Variants in HTR2A observed in about 807,000 individuals in gnomAD.
The protein encoded by HTR2A is 5-HT2 receptor.
A neutral mutation model predicts 31.0 loss-of-function variants in HTR2A; 14 were observed. That is an observed-to-expected ratio of 0.45 (90% CI 0.30 to 0.71). The LOEUF is 0.71. HTR2A is among the 30% of genes least tolerant of loss of function. HTR2A has a pLI of 0.09. For synonymous variants in HTR2A, 209 were observed against 225.2 expected, an observed-to-expected ratio of 0.93 and a Z score of 0.64; for missense variants, 442 against 573.3, an observed-to-expected ratio of 0.77 and a Z score of 2.34.
intron 3 of HTR2A, among the ~76,000 whole-genome samples, chr13:46,850,104 G>A (rs1410460725): frequency 6.6e-6 from 1 of 152,076 alleles, no homozygotes; most frequent in Admixed American, 6.5e-5. Context: ...GACAAAGTAG[G>A]GCTTTATAGA....
intron 3 of HTR2A, among the ~76,000 whole-genome samples, chr13:46,849,042 A>G (rs1253835788): frequency 6.6e-6 from 1 of 152,088 alleles, no homozygotes; most frequent in East Asian, 1.9e-4. Context: ...CTCAATTTGG[A>G]TGTCTCCGAT....
intron 3 of HTR2A, among the ~76,000 whole-genome samples, chr13:46,865,685 T>A (rs139350045): frequency 6.6e-6 from 1 of 152,222 alleles, no homozygotes; most frequent in African/African-American, 2.4e-5. Flanking sequence ...CAGTTGAATG[T>A]TAAATTTAAG....
Position 46,878,989 on chromosome 13 carries a change from C to G in HTR2A, c.613+13401G>C, listed in dbSNP as rs147975570. On this transcript the variant is annotated intron_variant, in intron 3 of 3. Transcript: ENST00000542664. ...AGATGGGATCTGGTTTAGAGGGAAA[C>G]AGAACTTGAAGAAAGGACAAAAACA... 2.6e-5 allele frequency among the ~76,000 whole-genome samples: 4 copies of G among 152,240 alleles called. No individual in the cohort carries two copies. The East Asian group carries it at 5.8e-4, about 22-fold the overall frequency.
In HTR2A at chr13:46,835,400, G is replaced by A. The variant is rs1876413137; in HGVS notation, c.853C>T (p.Pro285Ser). The A allele has an allele frequency of 6.2e-7, 1 of 1,613,968 alleles. No homozygotes were observed. Among genetic ancestry groups the A allele is most frequent in the African/African-American group, 1.3e-5 (1 of 74,914 alleles). Residue 285 changes from proline (P) to serine (S), a missense_variant, in exon 4 of 4, where the codon CCT (proline) becomes TCT (serine). Physicochemically the swap from Pro to Ser is moderately conservative, Grantham distance 74. Around this residue, in one of 5 missense-constraint regions of HTR2A, gnomAD observed 174 missense variants for 195.1 expected, o/e 0.89. Transcript: ENST00000542664. ...TTTTCTGAAGACAAAGAACTCTGAGGGAGGAAGCTGAAAGAAGCTAATTTG... is the reference window on the plus strand; with the variant it reads ...TTTTCTGAAGACAAAGAACTCTGAGAGAGGAAGCTGAAAGAAGCTAATTTG... ...RAKLASFSFL[P>S]QSSLSSEKLF...
Position 46,835,083 on chromosome 13 carries a change from G to A in HTR2A, c.1170C>T (p.Ala390=), listed in dbSNP as rs1876396084. ...YTLFNKTYRS[A]FSRYIQCQYK... The stretch of plus-strand genomic sequence containing the variant: ...ACTGACACTGAATATACCGTGAAAA[G>A]GCTGACCTATAGGTCTTGTTGAACA... The change falls in exon 4 of 4, where the codon GCC becomes GCT. Residue 390 remains alanine, a synonymous_variant. Transcript: ENST00000542664. 1.9e-6 allele frequency: 3 copies of A among 1,614,114 alleles called. No homozygotes were observed. In the African/African-American group the frequency reaches 4.0e-5, roughly 22 times the overall value.
chr13:46,850,666 A>G (rs1350373040), intron 3 of HTR2A, among the ~76,000 whole-genome samples: 2 of 152,112 alleles, frequency 1.3e-5, no homozygotes, highest in Admixed American at 6.5e-5. Flanking sequence ...TGTCCTACCT[A>G]TGAAATCTTT....
intron 3 of HTR2A, among the ~76,000 whole-genome samples, chr13:46,870,687 A>G (rs532610486): frequency 6.6e-6 from 1 of 152,136 alleles, no homozygotes; most frequent in South Asian, 2.1e-4. Flanking sequence ...GCTTCTCTTT[A>G]CTCTAGAGTT....
chr13:46,855,018 A>G (rs1218967112), intron 3 of HTR2A, among the ~76,000 whole-genome samples: 1 of 152,154 alleles, frequency 6.6e-6, no homozygotes, highest in Non-Finnish European at 1.5e-5. Context: ...GAAGGCAGAG[A>G]TTGGGAGACG....
chr13:46,846,316 C>G (rs1412748284), intron 3 of HTR2A, among the ~76,000 whole-genome samples: 2 of 152,112 alleles, frequency 1.3e-5, no homozygotes, highest in African/African-American at 2.4e-5. Flanking sequence ...TATTGTCTAA[C>G]AGCTGGCAAT....
At chr13:46,847,381 A>G (rs1454661048) in intron 3 of HTR2A, among the ~76,000 whole-genome samples, 2 of 152,244 alleles carry the variant, frequency 1.3e-5, no homozygotes, top group Non-Finnish European at 2.9e-5. Context: ...AACATAAACT[A>G]TATACCAATA....
chr13:46,895,461 G>A lies in HTR2A; in HGVS notation c.412+34C>T, dbSNP rs758522164. The A allele has an allele frequency of 1.4e-5, 22 of 1,596,442 alleles. No individual in the cohort carries two copies. The highest frequency in any genetic ancestry group is 1.8e-5 in the Non-Finnish European group (21 of 1,169,818). ...GGCATGCACATGCTCTTTATTACCA[G>A]TGCGAATATAGCTGGGAAACTAATG... On this transcript the variant is annotated intron_variant, in intron 2 of 3. Coordinates refer to ENST00000542664, the MANE Select transcript of HTR2A (RefSeq NM_000621.5). This position sits in a 1 kb window ranked among gnomAD's most constrained non-coding sequence, Gnocchi z 4.4.
intron 3 of HTR2A, among the ~76,000 whole-genome samples, chr13:46,886,238 C>T (rs1038551592): frequency 7.2e-5 from 11 of 152,160 alleles, no homozygotes; most frequent in Admixed American, 2.0e-4. Flanking sequence ...ATAGAAATAA[C>T]GTGATGATTT....
chr13:46,834,958 G>T lies in HTR2A; in HGVS notation c.1295C>A (p.Ser432Ter). 1 of 1,614,058 alleles carries T rather than the reference G, an allele frequency of 6.2e-7. No homozygotes were observed. Among genetic ancestry groups the T allele is most frequent in the Non-Finnish European group, 8.5e-7 (1 of 1,179,964 alleles). The change falls in exon 4 of 4, where the codon TCA becomes TAA. Residue 432 changes from serine (S) to a stop codon, truncating the protein, a stop_gained. Coordinates refer to ENST00000542664, the MANE Select transcript of HTR2A (RefSeq NM_000621.5). LOFTEE classifies it low-confidence loss of function (END_TRUNC). ...ATCTGTTGTCTTGGCATCTTGCTTT[G>T]AATTCTTTTTTTGTCCCATTTGAAG... ...SQLQMGQKKN[S>*]KQDAKTTDND...
upstream of HTR2A, among the ~76,000 whole-genome samples, chr13:46,897,241 AAGGT>A (rs774624231): frequency 6.6e-5 from 10 of 152,238 alleles, no homozygotes; most frequent in Non-Finnish European, 1.5e-4. Context: ...GATTCCCATT[AAGGT>A]AGGTAAGTGG....
chr13:46,870,270 T>C (rs1301530596), intron 3 of HTR2A, among the ~76,000 whole-genome samples: 1 of 152,146 alleles, frequency 6.6e-6, no homozygotes, highest in African/African-American at 2.4e-5. Flanking sequence ...TCAGATCAAA[T>C]GCTAAACTAC....
intron 3 of HTR2A, among the ~76,000 whole-genome samples, chr13:46,844,205 C>T (rs142463251): frequency 7.9e-5 from 12 of 152,174 alleles, no homozygotes; most frequent in East Asian, 5.8e-4. Context: ...ATCCCAGCAT[C>T]GAATGTGCTT....
chr13:46,891,398 T>G (rs1464810910), intron 3 of HTR2A, among the ~76,000 whole-genome samples: 1 of 152,216 alleles, frequency 6.6e-6, no homozygotes, highest in Non-Finnish European at 1.5e-5. Flanking sequence ...ATGGAGCTAC[T>G]TACTCTTCAA....
chr13:46,854,866 G>C (rs979862655), intron 3 of HTR2A, among the ~76,000 whole-genome samples: 9 of 152,162 alleles, frequency 5.9e-5, no homozygotes, highest in African/African-American at 2.2e-4. Context: ...ATCTTATTTG[G>C]AAATAGATTC....
intron 3 of HTR2A, among the ~76,000 whole-genome samples, chr13:46,855,419 G>T (rs1235348663): frequency 6.6e-6 from 1 of 152,160 alleles, no homozygotes; most frequent in Non-Finnish European, 1.5e-5. Context: ...CTGGTGGGTG[G>T]AGCTTTGTGT....
Sources: allele counts gnomAD v4.1 joint callset (sites outside exome capture counted in the v4.1 genomes callset), GRCh38; gene constraint gnomAD v4.1.1; regional missense constraint gnomAD v4.1.1; non-coding constraint Gnocchi (gnomAD v3.1); transcripts MANE v1.5; gene names NCBI Gene and HGNC (gene_info 2026-07-23, HGNC 2026-07-21).